The following ADGRV1 variants were observed in gnomAD, a reference collection of about 807,000 sequenced individuals.
ADGRV1 encodes the protein adhesion G protein-coupled receptor V1, also known as G-protein coupled receptor 98.
A neutral mutation model predicts 596.2 loss-of-function variants in ADGRV1; 359 were observed. The ratio of observed to expected loss-of-function variants is 0.60; its 90% CI spans 0.55 to 0.66. The LOEUF (loss-of-function observed/expected upper bound fraction) is 0.66. Ranked by LOEUF, ADGRV1 falls within the 30% of genes least tolerant of loss-of-function variation. The pLI, the probability that ADGRV1 is intolerant of heterozygous loss-of-function variation, is 0.00. For synonymous variants in ADGRV1, 2,681 were observed against 2,679.2 expected (o/e 1.00, Z -0.02); for missense variants, 7,274 against 7,575.6 (o/e 0.96, Z 1.48).
intron 1 of ADGRV1, chr5:90,614,574 C>T: frequency 2.6e-6 from 1 of 383,064 alleles, no homozygotes; most frequent in Non-Finnish European, 4.8e-6. Context: ...GTAAGTTTAA[C>T]TTACAGCTAT....
intron 86 of ADGRV1, among the ~76,000 whole-genome samples, chr5:91,088,994 T>G (rs1425141086): frequency 6.6e-6 from 1 of 152,062 alleles, no homozygotes; most frequent in Non-Finnish European, 1.5e-5. Context: ...TTGTTTCCCT[T>G]TTTTTTCTCT....
chr5:91,002,371 A>G (rs1781920739), intron 85 of ADGRV1, among the ~76,000 whole-genome samples: 1 of 152,152 alleles, frequency 6.6e-6, no homozygotes. Flanking sequence ...TGCATCTGTC[A>G]CAGCTTCTCC....
At chr5:90,654,097 C>A in intron 20 of ADGRV1, 145 bp downstream of exon 20, 2 of 832,840 alleles carry the variant, frequency 2.4e-6, no homozygotes, top group Non-Finnish European at 1.9e-6. Context: ...AAACTATGTG[C>A]CTACCAAGAT....
At chr5:90,743,497 A>C (rs753126081) in intron 50 of ADGRV1, among the ~76,000 whole-genome samples, 1 of 122,522 alleles carries the variant, frequency 8.2e-6, no homozygotes, top group Admixed American at 9.3e-5. Context: ...TTTGAGATGG[A>C]GTCTTAATGT....
chr5:90,711,028 G>C lies in ADGRV1; in HGVS notation c.8872G>C (p.Ala2958Pro). 1 of 1,611,058 alleles carries C rather than the reference G, an allele frequency of 6.2e-7. No individual in the cohort carries two copies. Among genetic ancestry groups the C allele is most frequent in the Admixed American group, 1.7e-5 (1 of 59,918 alleles). Residue 2958 changes from alanine to proline, a missense_variant, in exon 40 of 90, where the codon GCC becomes CCC. Around this residue, in one of 5 missense-constraint regions of ADGRV1, gnomAD observed 3,643 missense variants for 3,809.2 expected, o/e 0.96. Transcript: ENST00000405460. ...AGTTATTATTGATGCCAATGATGGGGCCCGAGGTGTAATTGAATGGCAACA... is the reference window on the plus strand; with the variant it reads ...AGTTATTATTGATGCCAATGATGGGCCCCGAGGTGTAATTGAATGGCAACA... Reference protein sequence around the residue: ...AQVIIDANDGARGVIEWQQSR... With the variant: ...AQVIIDANDGPRGVIEWQQSR...
At chr5:90,595,297 C>T (rs1580384867) in intron 1 of ADGRV1, among the ~76,000 whole-genome samples, 4 of 57,742 alleles carry the variant, frequency 6.9e-5, no homozygotes, top group Admixed American at 3.0e-4. Flanking sequence ...CGGGCAGAGG[C>T]GCCCCTCACC....
At chr5:90,584,268 A>C (rs927490569) in intron 1 of ADGRV1, among the ~76,000 whole-genome samples, 5 of 152,162 alleles carry the variant, frequency 3.3e-5, no homozygotes, top group Admixed American at 3.3e-4. Context: ...CCTAAATGAA[A>C]CTTTTTTTTC....
chr5:90,970,622 C>G (rs1044287910), intron 84 of ADGRV1, among the ~76,000 whole-genome samples: 5 of 151,270 alleles, frequency 3.3e-5, no homozygotes, highest in African/African-American at 1.2e-4. Context: ...CAGCAAACTC[C>G]AGCAGACCTG....
chr5:91,082,079 C>T (rs540282032), intron 86 of ADGRV1, among the ~76,000 whole-genome samples: 49 of 152,314 alleles, frequency 3.2e-4, no homozygotes, highest in African/African-American at 1.1e-3. Flanking sequence ...GTGATACACA[C>T]TTAAAGCTAA....
chr5:90,778,924 G>A lies in ADGRV1; in HGVS notation c.12909G>A (p.Lys4303=). ...TTGGCCATGTGCGACTCTGGTACAAGACGATGAGCGGGACAGCGGAAGCAG... is the reference window on the plus strand; with the variant it reads ...TTGGCCATGTGCGACTCTGGTACAAAACGATGAGCGGGACAGCGGAAGCAG... The part of the protein sequence containing the change: ...GDFGHVRLWY[K]TMSGTAEAGL... The change falls in exon 64 of 90, where the codon AAG becomes AAA. Residue 4303 remains lysine (K), a synonymous_variant. Transcript: ENST00000405460. 1.2e-6 allele frequency: 2 copies of A among 1,613,464 alleles called. No homozygotes were observed. Among genetic ancestry groups the A allele is most frequent in the Non-Finnish European group, 1.7e-6 (2 of 1,179,538 alleles).
chr5:90,821,675 G>C (rs1009349147), intron 75 of ADGRV1, among the ~76,000 whole-genome samples: 2,325 of 151,638 alleles, frequency 0.015, 26 homozygotes, highest in Non-Finnish European at 0.023. Flanking sequence ...ATAGCCTGCC[G>C]TGTGAGGTGT....
At chr5:90,841,894 G>GT (rs774008072) in intron 78 of ADGRV1, among the ~76,000 whole-genome samples, 19 of 152,266 alleles carry the variant, frequency 1.2e-4, no homozygotes, top group Non-Finnish European at 2.6e-4. Flanking sequence ...AAGTACAGAG[G>GT]TAAAAAGAGC....
chr5:90,823,487 A>G lies in ADGRV1; in HGVS notation c.16259A>G (p.Gln5420Arg), dbSNP rs1455751241. 1 of 1,613,962 alleles carries G rather than the reference A, an allele frequency of 6.2e-7. No individual in the cohort carries two copies. The highest frequency in any genetic ancestry group is 1.7e-5 in the Admixed American group (1 of 60,020). Residue 5420 changes from glutamine to arginine, a missense_variant, in exon 76 of 90, where the codon CAG becomes CGG. Transcript: ENST00000405460. The part of the protein sequence containing the change: ...VTLNKTVVVL[Q>R]KDGVNLVEEL... ...CTTAACAAAACAGTCGTCGTGCTCC[A>G]GAAGGATGGGGTAAACCTGGTGGAG... is the stretch of plus-strand genomic sequence containing the variant.
At chr5:91,044,131 C>T (rs1785595877) in intron 85 of ADGRV1, among the ~76,000 whole-genome samples, 1 of 152,032 alleles carries the variant, frequency 6.6e-6, no homozygotes, top group Non-Finnish European at 1.5e-5. Flanking sequence ...ATCTCTCTAT[C>T]AGAACTCTCC....
chr5:91,060,709 T>A (rs1237591568), intron 85 of ADGRV1, among the ~76,000 whole-genome samples: 3 of 152,228 alleles, frequency 2.0e-5, no homozygotes, highest in Admixed American at 2.0e-4. Context: ...GTGCTGCAAA[T>A]GTTAATGTGA....
intron 86 of ADGRV1, among the ~76,000 whole-genome samples, chr5:91,088,226 T>A (rs1183577781): frequency 1.3e-5 from 2 of 152,206 alleles, no homozygotes; most frequent in African/African-American, 4.8e-5. Context: ...GAAATAAACA[T>A]CATTTGATTC....
chr5:90,721,094 A>C lies in ADGRV1; in HGVS notation c.9748+35A>C, dbSNP rs1030733816. 3 of 1,589,478 alleles carry C rather than the reference A, an allele frequency of 1.9e-6. No homozygotes were observed. The African/African-American group carries it at 4.0e-5, about 21-fold the overall frequency. On this transcript the variant is annotated intron_variant, in intron 45 of 89. Transcript: ENST00000405460. ...ATTTCTTATGAGAACAAAATTCTGT[A>C]ACGAAAAAATATTGCATGTATAAGA...
intron 83 of ADGRV1, among the ~76,000 whole-genome samples, chr5:90,919,184 G>A (rs958251699): frequency 1.3e-5 from 2 of 152,114 alleles, no homozygotes; most frequent in Non-Finnish European, 2.9e-5. Context: ...CCACAGAATC[G>A]TAAAGGAGCA....
At chr5:90,732,685 A>G (rs1752706771) in intron 50 of ADGRV1, among the ~76,000 whole-genome samples, 1 of 152,156 alleles carries the variant, frequency 6.6e-6, no homozygotes, top group African/African-American at 2.4e-5. Flanking sequence ...CAGATTCCAC[A>G]TATAAGTGAG....
Sources: gnomAD v4.1 joint callset for allele counts (sites outside exome capture counted in the v4.1 genomes callset) on GRCh38, gnomAD v4.1.1 for gene constraint, gnomAD v4.1.1 regional missense constraint, MANE v1.5 for transcripts, NCBI Gene and HGNC (gene_info 2026-07-23, HGNC 2026-07-21) for gene names.